MRC2: variants seen among roughly 807,000 people sequenced by gnomAD.
The protein encoded by MRC2 is mannose receptor C-type 2, also known as C-type mannose receptor 2.
A neutral mutation model predicts 206.2 loss-of-function variants in MRC2; 84 were observed. The observed-to-expected ratio is 0.41, with a 90% confidence interval of 0.34 to 0.49. The LOEUF is 0.49. Ranked by LOEUF, MRC2 falls within the 20% of genes least tolerant of loss-of-function variation. The probability of loss-of-function intolerance (pLI) is 0.31; values close to 1 mark genes in which losing one functional copy is unlikely to be tolerated. For synonymous variants in MRC2, 798 were observed against 800.0 expected (o/e 1.00, Z 0.04); for missense variants, 1,676 against 2,001.5 (o/e 0.84, Z 3.10).
chr17:62,634,611 T>G (rs1426206318), intron 1 of MRC2, among the ~76,000 whole-genome samples: 1 of 152,076 alleles, frequency 6.6e-6, no homozygotes, highest in Non-Finnish European at 1.5e-5. Flanking sequence ...GAGATCACTT[T>G]TGTCACCTTT....
intron 20 of MRC2, among the ~76,000 whole-genome samples, chr17:62,686,258 GC>G (rs1157525097): frequency 6.6e-6 from 1 of 152,144 alleles, no homozygotes; most frequent in Non-Finnish European, 1.5e-5. Context: ...TTTGAAACCA[GC>G]CTGGCCAACA....
rs1287688078 is a variant in MRC2, at chr17:62,675,921, G to C, written c.1685+16G>C. ...TCACCAACAGGTACAGCAGGGGCGG[G>C]TGCCCTGACTAGCCCTTGCCCATGT... On this transcript the variant is annotated intron_variant, in intron 10 of 29. Transcript: ENST00000303375. The surrounding 1 kb of genome is among the most constrained non-coding windows in gnomAD (Gnocchi z 4.1). 1.9e-6 allele frequency: 3 copies of C among 1,607,936 alleles called. No homozygotes were observed. The highest frequency in any genetic ancestry group is 1.1e-5 in the South Asian group (1 of 90,972).
Position 62,671,588 on chromosome 17 carries a change from T to TG in MRC2, c.1118-58dup. ...CTCGCCTGTGTTGACGTCAACCCAG[T>TG]GGGTTGGTTCCCAGACTGGGCGGCT... On this transcript the variant is annotated intron_variant, in intron 6 of 29. Transcript: ENST00000303375. The surrounding 1 kb of genome is among the most constrained non-coding windows in gnomAD (Gnocchi z 4.5). The TG allele has an allele frequency of 6.8e-7, 1 of 1,480,998 alleles. No individual in the cohort carries two copies. The highest frequency in any genetic ancestry group is 9.0e-7 in the Non-Finnish European group (1 of 1,108,274). The allele number at this position is 1,480,998 out of a possible 1,614,324, so 91.7% of individuals were successfully genotyped here.
At chr17:62,632,402 G>A (rs569883564) in intron 1 of MRC2, among the ~76,000 whole-genome samples, 3 of 152,208 alleles carry the variant, frequency 2.0e-5, no homozygotes, top group African/African-American at 7.2e-5. Flanking sequence ...TTCCACCTGC[G>A]CTCTGCTCCC....
chr17:62,628,159 C>G (rs1022749145), intron 1 of MRC2, among the ~76,000 whole-genome samples: 1 of 131,794 alleles, frequency 7.6e-6, no homozygotes, highest in Non-Finnish European at 1.6e-5. Context: ...TGGCGGGCGG[C>G]GGGGGAGGGG....
At chr17:62,682,477 T>G (rs1262847945) in intron 20 of MRC2, 100 bp downstream of exon 20, 17 of 1,384,844 alleles carry the variant, frequency 1.2e-5, no homozygotes, top group Non-Finnish European at 1.6e-5. Flanking sequence ...AGCACCAAAC[T>G]CATGGCCTCT....
chr17:62,681,295 G>T, intron 18 of MRC2, 166 bp downstream of exon 18: 1 of 734,974 alleles, frequency 1.4e-6, no homozygotes. Context: ...ATCTGAAAAT[G>T]GGAATATGAG....
intron 1 of MRC2, among the ~76,000 whole-genome samples, chr17:62,649,865 TA>T (rs1444307136): frequency 2.0e-5 from 3 of 151,536 alleles, no homozygotes; most frequent in Middle Eastern, 6.4e-3. Context: ...TTGAAATAGA[TA>T]CAGCCTTCTT....
At chr17:62,663,978 G>A (rs925089119) in intron 1 of MRC2, among the ~76,000 whole-genome samples, 1 of 38,182 alleles carries the variant, frequency 2.6e-5, no homozygotes, top group Admixed American at 3.2e-4. Context: ...TTTTTTTTTT[G>A]AGACGGAGTC....
intron 1 of MRC2, among the ~76,000 whole-genome samples, chr17:62,629,403 G>A (rs112761981): frequency 9.8e-5 from 15 of 152,346 alleles, no homozygotes; most frequent in African/African-American, 3.4e-4. Flanking sequence ...GGTCAGGGAG[G>A]ACAAGGACGC....
rs762497563 is a variant in MRC2, at chr17:62,681,854, T to C, written c.2720T>C (p.Ile907Thr). The change falls in exon 19 of 30, where the codon ATT (isoleucine) becomes ACT (threonine). Residue 907 changes from isoleucine to threonine, a missense_variant. Transcript: ENST00000303375. ...CATTGCAGATGGACAGATGGTTCCA[T>C]TATAAACTTCATCTCCTGGGCACCA... is the stretch of plus-strand genomic sequence containing the variant. Reference protein sequence around the residue: ...DGRFRWTDGSIINFISWAPGK... With the variant: ...DGRFRWTDGSTINFISWAPGK... 11 of 1,613,528 alleles carry C rather than the reference T, an allele frequency of 6.8e-6. No individual in the cohort carries two copies. Among genetic ancestry groups the C allele is most frequent in the Non-Finnish European group, 9.3e-6 (11 of 1,179,856 alleles).
At chr17:62,690,417 A>G in intron 26 of MRC2, 112 bp downstream of exon 26, 2 of 1,420,220 alleles carry the variant, frequency 1.4e-6, no homozygotes, top group South Asian at 1.4e-5. Flanking sequence ...GGCAGCACTT[A>G]CACAAGATGC....
chr17:62,680,816 GCGCTTC>G lies in MRC2; in HGVS notation c.2492_2497del (p.Arg831_Phe832del), dbSNP rs755757431. The G allele has an allele frequency of 6.2e-7, 1 of 1,611,560 alleles. No individual in the cohort carries two copies. The highest frequency in any genetic ancestry group is 1.1e-5 in the South Asian group (1 of 90,896). Reference sequence around the variant, plus strand: ...CTCCTGCAGGCCGACGGGAATGGCTGCGCTTCCAGGAGGCCGAGTACAAGTTCTTTG... The same window carrying G: ...CTCCTGCAGGCCGACGGGAATGGCTGCAGGAGGCCGAGTACAAGTTCTTTG... On this transcript the variant is annotated inframe_deletion, in exon 17 of 30. Transcript: ENST00000303375. This position sits in a 1 kb window ranked among gnomAD's most constrained non-coding sequence, Gnocchi z 4.8.
At chr17:62,640,124 G>A (rs2088382336) in intron 1 of MRC2, among the ~76,000 whole-genome samples, 2 of 148,872 alleles carry the variant, frequency 1.3e-5, no homozygotes, top group African/African-American at 5.0e-5. Context: ...GCCTGCCTCG[G>A]CCTCCCAAAG....
At chr17:62,627,998 C>T in intron 1 of MRC2, 78 bp downstream of exon 1, 1 of 937,638 alleles carries the variant, frequency 1.1e-6, no homozygotes. Context: ...TCGACTTTTC[C>T]CTCCTTTTCC....
chr17:62,689,832 G>A (rs1254642021), intron 24 of MRC2, 62 bp from the exon 25 acceptor site: 21 of 1,541,376 alleles, frequency 1.4e-5, no homozygotes, highest in Admixed American at 6.0e-5. Flanking sequence ...TCCTGCCCCC[G>A]CCTTATCCGC....
intron 1 of MRC2, among the ~76,000 whole-genome samples, chr17:62,649,398 C>G (rs967013330): frequency 6.6e-6 from 1 of 152,192 alleles, no homozygotes; most frequent in African/African-American, 2.4e-5. Context: ...CAAGACCAAC[C>G]TGGCCAACAT....
chr17:62,630,275 CCATT>C (rs1394722371), intron 1 of MRC2, among the ~76,000 whole-genome samples: 3 of 152,200 alleles, frequency 2.0e-5, no homozygotes, highest in African/African-American at 7.2e-5. Flanking sequence ...GTGCAAGTTC[CCATT>C]TCATTTTGAT....
Position 62,671,676 on chromosome 17 carries a change from GCGAGC to G in MRC2, c.1151_1155del (p.Pro384LeufsTer69). ...AGGTGGGCCAATGTGAAGGTGGAGTGCGAGCCGAGCTGGCAGCCCTTCCAGGGCCA... is the reference window on the plus strand; with the variant it reads ...AGGTGGGCCAATGTGAAGGTGGAGTGCGAGCTGGCAGCCCTTCCAGGGCCA... On this transcript the variant is annotated frameshift_variant, in exon 7 of 30. Coordinates refer to ENST00000303375, the MANE Select transcript of MRC2 (RefSeq NM_006039.5). LOFTEE classifies it high-confidence loss of function. The surrounding 1 kb of genome is among the most constrained non-coding windows in gnomAD (Gnocchi z 4.5). The G allele has an allele frequency of 6.2e-7, 1 of 1,600,004 alleles. No individual in the cohort carries two copies. Among genetic ancestry groups the G allele is most frequent in the Non-Finnish European group, 8.5e-7 (1 of 1,172,574 alleles).
Sources: allele counts gnomAD v4.1 joint callset (sites outside exome capture counted in the v4.1 genomes callset), GRCh38; gene constraint gnomAD v4.1.1; non-coding constraint Gnocchi (gnomAD v3.1); transcripts MANE v1.5; gene names NCBI Gene and HGNC (gene_info 2026-07-23, HGNC 2026-07-21).